The following PDE7B variants were observed in gnomAD, a reference collection of about 807,000 sequenced individuals.
PDE7B encodes the protein 3',5'-cyclic-AMP phosphodiesterase 7B.
A neutral mutation model predicts 56.2 loss-of-function variants in PDE7B; 29 were observed. That is an observed-to-expected ratio of 0.52 (90% CI 0.38 to 0.70). The LOEUF (loss-of-function observed/expected upper bound fraction) is 0.70. PDE7B is among the 30% of genes least tolerant of loss of function. The probability of loss-of-function intolerance (pLI) is 0.00; values close to 1 mark genes in which losing one functional copy is unlikely to be tolerated. For synonymous variants in PDE7B, 197 were observed against 196.9 expected (o/e 1.00, Z 0.00); for missense variants, 490 against 565.0 (o/e 0.87, Z 1.35).
chr6:136,187,386 C>A (rs1312301730), intron 12 of PDE7B, among the ~76,000 whole-genome samples: 1 of 152,110 alleles, frequency 6.6e-6, no homozygotes, highest in Non-Finnish European at 1.5e-5. Context: ...AGAATAGAAT[C>A]AAAACCAAAA....
chr6:136,023,717 C>T (rs1008495933), intron 2 of PDE7B, among the ~76,000 whole-genome samples: 7 of 151,804 alleles, frequency 4.6e-5, no homozygotes, highest in African/African-American at 1.5e-4. Context: ...ATTATAGGAG[C>T]CTCATGGCAA....
chr6:135,990,111 T>G (rs78881636), intron 2 of PDE7B, among the ~76,000 whole-genome samples: 2 of 151,374 alleles, frequency 1.3e-5, no homozygotes, highest in African/African-American at 4.8e-5. Context: ...TTTTTTTTTT[T>G]TTGAGACAGA....
intron 1 of PDE7B, among the ~76,000 whole-genome samples, chr6:135,892,852 T>C (rs1011934143): frequency 6.6e-6 from 1 of 152,188 alleles, no homozygotes; most frequent in Non-Finnish European, 1.5e-5. Flanking sequence ...GTATTTGCAA[T>C]GGACCAAGCT....
chr6:136,068,128 G>A (rs543631303), intron 2 of PDE7B, among the ~76,000 whole-genome samples: 1 of 152,134 alleles, frequency 6.6e-6, no homozygotes, highest in Non-Finnish European at 1.5e-5. Flanking sequence ...AGTGACCAAC[G>A]GCCCGTGACA....
chr6:136,052,623 C>CA (rs941411505), intron 2 of PDE7B, among the ~76,000 whole-genome samples: 22 of 146,874 alleles, frequency 1.5e-4, no homozygotes, highest in Admixed American at 1.4e-3. Flanking sequence ...TACAGCCCCC[C>CA]CCCACCCACA....
chr6:136,185,482 G>T (rs1779128947), intron 11 of PDE7B, among the ~76,000 whole-genome samples: 1 of 152,112 alleles, frequency 6.6e-6, no homozygotes, highest in South Asian at 2.1e-4. Flanking sequence ...ATGCCTGGGA[G>T]GAGGGCTCAC....
rs1779232287 is a variant in PDE7B at position 136,191,868 on chromosome 6, C to T, written c.*28C>T. On this transcript the variant is annotated 3_prime_UTR_variant, in exon 13 of 13. Coordinates refer to ENST00000308191, the MANE Select transcript of PDE7B (RefSeq NM_018945.4). ...GCCGGCCCAACTTAGACGCGGCTCTCCTCCGGCAGGGCCCCCAGAGGGCAG... is the reference window on the plus strand; with the variant it reads ...GCCGGCCCAACTTAGACGCGGCTCTTCTCCGGCAGGGCCCCCAGAGGGCAG... 1 of 1,518,750 alleles carries T rather than the reference C, an allele frequency of 6.6e-7. No homozygotes were observed. The highest frequency in any genetic ancestry group is 8.9e-7 in the Non-Finnish European group (1 of 1,121,746). The allele number at this position is 1,518,750 out of a possible 1,614,324, so 94.1% of individuals were successfully genotyped here.
At chr6:136,070,619 T>C (rs886771089) in intron 2 of PDE7B, among the ~76,000 whole-genome samples, 3 of 152,202 alleles carry the variant, frequency 2.0e-5, no homozygotes, top group Admixed American at 2.0e-4. Context: ...CTTTCATGAT[T>C]TAATTCATTT....
At chr6:136,058,577 A>C (rs1776780292) in intron 2 of PDE7B, among the ~76,000 whole-genome samples, 1 of 152,228 alleles carries the variant, frequency 6.6e-6, no homozygotes, top group Admixed American at 6.5e-5. Flanking sequence ...TGGATGTACT[A>C]TTCATTAGCA....
intron 2 of PDE7B, among the ~76,000 whole-genome samples, chr6:136,007,553 G>A (rs926275713): frequency 6.6e-6 from 1 of 151,544 alleles, no homozygotes; most frequent in African/African-American, 2.4e-5. Flanking sequence ...GTTCCCCTTT[G>A]TGTAAAATGA....
At chr6:136,000,799 C>A (rs909380417) in intron 2 of PDE7B, among the ~76,000 whole-genome samples, 3 of 152,212 alleles carry the variant, frequency 2.0e-5, no homozygotes, top group Non-Finnish European at 4.4e-5. Flanking sequence ...ACAGCAGTAA[C>A]CTCTGCAGAC....
rs1307179733 is a variant in PDE7B at position 136,002,993 on chromosome 6, C to CA, written c.82+55472dup. 3.3e-5 allele frequency among the ~76,000 whole-genome samples: 5 copies of CA among 151,840 alleles called. No homozygotes were observed. The South Asian group carries it at 1.0e-3, about 32-fold the overall frequency. ...AAATGTAAAAGAACAGAAATTATAA[C>CA]AAACTGTCTCTCAGACCACAGTGCA... On this transcript the variant is annotated intron_variant, in intron 2 of 12. Transcript: ENST00000308191.
At chr6:136,017,881 C>T (rs971329024) in intron 2 of PDE7B, among the ~76,000 whole-genome samples, 1 of 152,104 alleles carries the variant, frequency 6.6e-6, no homozygotes, top group Admixed American at 6.5e-5. Flanking sequence ...AGGAAATTAA[C>T]ACATTCTTCT....
intron 5 of PDE7B, among the ~76,000 whole-genome samples, chr6:136,150,338 T>A (rs1414410229): frequency 2.6e-5 from 4 of 152,242 alleles, no homozygotes; most frequent in African/African-American, 9.6e-5. Flanking sequence ...TTTCATAGTT[T>A]CAGGTCTCAT....
chr6:136,097,418 A>ATTTC (rs1474848326), intron 2 of PDE7B, among the ~76,000 whole-genome samples: 1 of 151,952 alleles, frequency 6.6e-6, no homozygotes, highest in Admixed American at 6.6e-5. Flanking sequence ...CTCATATGAA[A>ATTTC]TTTCTTACCA....
intron 2 of PDE7B, among the ~76,000 whole-genome samples, chr6:136,078,831 A>C (rs1284415947): frequency 4.6e-5 from 7 of 152,198 alleles, no homozygotes; most frequent in Non-Finnish European, 7.4e-5. Flanking sequence ...ATTTAAAAAA[A>C]TCTATATGCA....
intron 2 of PDE7B, among the ~76,000 whole-genome samples, chr6:136,056,483 C>CA: frequency 8.0e-6 from 1 of 125,624 alleles, no homozygotes; most frequent in East Asian, 2.6e-4. Flanking sequence ...AGTAAGCCTT[C>CA]AATTCTGAGC....
intron 1 of PDE7B, among the ~76,000 whole-genome samples, chr6:135,918,422 T>C (rs1773999793): frequency 6.6e-6 from 1 of 152,230 alleles, no homozygotes; most frequent in Admixed American, 6.5e-5. Flanking sequence ...CCCATATCAT[T>C]ATTTATGAAT....
rs142242188 is a variant in PDE7B, at chr6:136,053,903, G to A, written c.83-54828G>A. Among the ~76,000 whole-genome samples, 340 of 151,960 alleles carry A rather than the reference G, an allele frequency of 2.2e-3. 9 individuals carry two copies. Among genetic ancestry groups the A allele is most frequent in the African/African-American group, 7.6e-3 (315 of 41,504 alleles). On this transcript the variant is annotated intron_variant, in intron 2 of 12. Coordinates refer to ENST00000308191, the MANE Select transcript of PDE7B (RefSeq NM_018945.4). ...TATCCTTTGCCCACTTTTTGATGGCGTTGTTTTTTTCTTGTAAATTTGTTG... is the reference window on the plus strand; with the variant it reads ...TATCCTTTGCCCACTTTTTGATGGCATTGTTTTTTTCTTGTAAATTTGTTG...
Sources: allele counts gnomAD v4.1 joint callset (sites outside exome capture counted in the v4.1 genomes callset), GRCh38; gene constraint gnomAD v4.1.1; transcripts MANE v1.5; gene names NCBI Gene and HGNC (gene_info 2026-07-23, HGNC 2026-07-21).